Variants in WFDC11 observed in about 807,000 individuals in gnomAD.
WFDC11 encodes protein WFDC11.
A neutral mutation model predicts 9.9 loss-of-function variants in WFDC11; 9 were observed. The observed-to-expected ratio is 0.91, with a 90% CI of 0.55 to 1.58. WFDC11 has a LOEUF of 1.58. WFDC11 is among the 40% of genes most tolerant of loss of function. The pLI is 0.00. For missense variants in WFDC11, 106 were observed against 101.7 expected (o/e 1.04, Z -0.18); for synonymous variants, 32 against 33.3 (o/e 0.96, Z 0.13).
intron 2 of WFDC11, among the ~76,000 whole-genome samples, chr20:45,662,777 A>G (rs1300829518): frequency 2.6e-5 from 4 of 152,212 alleles, no homozygotes; most frequent in Non-Finnish European, 5.9e-5. Flanking sequence ...AGCCAACTTG[A>G]TCATGGTGGA....
chr20:45,655,367 T>G (rs983648409), intron 2 of WFDC11, among the ~76,000 whole-genome samples: 3 of 152,322 alleles, frequency 2.0e-5, no homozygotes, highest in Admixed American at 6.5e-5. Flanking sequence ...AAAAGGCCTT[T>G]GACAAAATTC....
At chr20:45,669,519 C>G (rs1364102924) in intron 1 of WFDC11, among the ~76,000 whole-genome samples, 1 of 152,152 alleles carries the variant, frequency 6.6e-6, no homozygotes, top group Non-Finnish European at 1.5e-5. Flanking sequence ...CAAGAGCTCT[C>G]AAAACCACAC....
intron 2 of WFDC11, 70 bp from the exon 3 acceptor site, chr20:45,650,721 CATTCTTT>C: frequency 1.3e-6 from 1 of 791,252 alleles, no homozygotes; most frequent in Non-Finnish European, 2.1e-6. Flanking sequence ...CGAATTTCTT[CATTCTTT>C]ATCTTCTCAC....
At chr20:45,666,366 C>T (rs1983188191) in intron 2 of WFDC11, among the ~76,000 whole-genome samples, 2 of 152,356 alleles carry the variant, frequency 1.3e-5, no homozygotes, top group South Asian at 4.1e-4. Flanking sequence ...ATCCCCCAAC[C>T]CCTTGCCCTT....
Position 45,648,606 on chromosome 20 carries a change from G to T in WFDC11, c.*113C>A, listed in dbSNP as rs1982731801. On this transcript the variant is annotated 3_prime_UTR_variant, in exon 5 of 5. Coordinates refer to ENST00000324384, the MANE Select transcript of WFDC11 (RefSeq NM_147197.2). ...TTTGTCAAGTGTTTGCTGTTGTCCA[G>T]CTCTCAGTAAAAATAGACTGGTGTT... 8.5e-7 allele frequency: 1 copy of T among 1,170,080 alleles called. No homozygotes were observed. Among genetic ancestry groups the T allele is most frequent in the Non-Finnish European group, 1.2e-6 (1 of 803,670 alleles). The allele number at this position is 1,170,080 out of a possible 1,614,324, so 72.5% of individuals were successfully genotyped here. A position where few individuals can be genotyped will look rare whatever the true frequency, so the allele number is the denominator to read the frequency against.
intron 2 of WFDC11, among the ~76,000 whole-genome samples, chr20:45,655,655 A>G (rs913873495): frequency 1.3e-5 from 2 of 152,236 alleles, no homozygotes; most frequent in African/African-American, 4.8e-5. Context: ...CCCTGTTTGC[A>G]GATGACATGA....
intron 2 of WFDC11, among the ~76,000 whole-genome samples, chr20:45,658,808 A>G (rs1378136541): frequency 2.0e-5 from 3 of 151,848 alleles, no homozygotes; most frequent in Non-Finnish European, 4.4e-5. Context: ...TGCCATGGTG[A>G]TTTGCTGTAC....
chr20:45,665,669 C>G (rs1023310993), intron 2 of WFDC11, among the ~76,000 whole-genome samples: 3 of 152,186 alleles, frequency 2.0e-5, no homozygotes, highest in East Asian at 3.9e-4. Context: ...TTCTAATAGT[C>G]AGGTCCCTCA....
chr20:45,655,010 G>T (rs1487311564), intron 2 of WFDC11, among the ~76,000 whole-genome samples: 1 of 152,186 alleles, frequency 6.6e-6, no homozygotes. Context: ...GGTACAAGGA[G>T]AAGCTGGTAC....
intron 2 of WFDC11, among the ~76,000 whole-genome samples, chr20:45,657,307 A>G (rs1971375156): frequency 6.6e-6 from 1 of 151,930 alleles, no homozygotes; most frequent in African/African-American, 2.4e-5. Context: ...GCTAGAAACC[A>G]TCATTCTCAG....
chr20:45,650,502 G>T lies in WFDC11; in HGVS notation c.99C>A (p.Asp33Glu). 1 of 1,613,232 alleles carries T rather than the reference G, an allele frequency of 6.2e-7. No homozygotes were observed. Among genetic ancestry groups the T allele is most frequent in the East Asian group, 2.2e-5 (1 of 44,836 alleles). Residue 33 changes from aspartate (D) to glutamate (E), a missense_variant and splice_region_variant, in exon 3 of 5, where the codon GAC becomes GAA. By Grantham distance (45) the Asp-to-Glu change is conservative (BLOSUM62 2). Coordinates refer to ENST00000324384, the MANE Select transcript of WFDC11 (RefSeq NM_147197.2). ...VLGEMRKKRY[D>E]RKELLLEECW... ...CCCTAATCCAGCCTCACCACCTACT[G>T]TCATATCTTTTCTTCCTCATTTCTC...
chr20:45,650,433 A>G, intron 3 of WFDC11, 68 bp downstream of exon 3: 5 of 1,290,052 alleles, frequency 3.9e-6, no homozygotes, highest in Non-Finnish European at 5.6e-6. Flanking sequence ...GGACAATGAA[A>G]CCCCCTCCCT....
At chr20:45,658,227 A>G (rs1982977955) in intron 2 of WFDC11, among the ~76,000 whole-genome samples, 1 of 151,856 alleles carries the variant, frequency 6.6e-6, no homozygotes, top group African/African-American at 2.4e-5. Context: ...GTGTGTGTGC[A>G]ATAAAAATAA....
At chr20:45,657,539 T>A (rs746953557) in intron 2 of WFDC11, among the ~76,000 whole-genome samples, 10 of 152,120 alleles carry the variant, frequency 6.6e-5, no homozygotes, top group Non-Finnish European at 1.0e-4. Context: ...CATGTGTAAC[T>A]AACCTGCACG....
At chr20:45,650,189 T>A (rs1380036267) in intron 3 of WFDC11, among the ~76,000 whole-genome samples, 3 of 151,442 alleles carry the variant, frequency 2.0e-5, no homozygotes, top group African/African-American at 7.3e-5. Context: ...AATATTTTTA[T>A]GTTTATAGCT....
At chr20:45,662,557 G>T (rs1983093876) in intron 2 of WFDC11, among the ~76,000 whole-genome samples, 1 of 152,126 alleles carries the variant, frequency 6.6e-6, no homozygotes, top group South Asian at 2.1e-4. Context: ...CTGTGGGTTT[G>T]TCATAGATAG....
At chr20:45,653,502 A>G (rs1286762453) in intron 2 of WFDC11, among the ~76,000 whole-genome samples, 2 of 152,208 alleles carry the variant, frequency 1.3e-5, no homozygotes. Flanking sequence ...GACCATCGAG[A>G]CTAGGAAGAA....
At position 45,650,571 on chromosome 20, in the gene WFDC11, G is replaced by T. The variant is rs763482730; in HGVS notation, c.30C>A (p.Pro10=). 5 of 1,613,962 alleles carry T rather than the reference G, an allele frequency of 3.1e-6. No individual in the cohort carries two copies. The Admixed American group carries it at 8.3e-5, about 27-fold the overall frequency. MVSLMKLWI[P]MLMTFFCTVL... ...CCGTACAGAAGAATGTCATGAGCAT[G>T]GGTATCCAGAGCTTCATGAGGCTGA... Residue 10 remains proline, a synonymous_variant, in exon 3 of 5, where the codon CCC becomes CCA. Coordinates refer to ENST00000324384, the MANE Select transcript of WFDC11 (RefSeq NM_147197.2).
intron 2 of WFDC11, among the ~76,000 whole-genome samples, chr20:45,650,853 A>T (rs190004702): frequency 4.5e-4 from 68 of 152,354 alleles, no homozygotes; most frequent in African/African-American, 1.5e-3. Flanking sequence ...CTGGAAAAAA[A>T]ATATAATGTG....
Sources: allele counts gnomAD v4.1 joint callset (sites outside exome capture counted in the v4.1 genomes callset), GRCh38; gene constraint gnomAD v4.1.1; transcripts MANE v1.5; gene names NCBI Gene and HGNC (gene_info 2026-07-23, HGNC 2026-07-21).